Variants in ITIH6 observed in about 807,000 individuals in gnomAD.
The protein encoded by ITIH6 is inter-alpha-trypsin inhibitor heavy chain H6.
A neutral mutation model predicts 58.2 loss-of-function variants in ITIH6; 60 were observed. That is an observed-to-expected ratio of 1.03 (90% CI 0.84 to 1.28). The LOEUF (loss-of-function observed/expected upper bound fraction) is 1.28. ITIH6 is among the 50% of genes most tolerant of loss of function. The pLI is 0.00. For synonymous variants in ITIH6, 493 were observed against 417.4 expected (o/e 1.18, Z -2.21); for missense variants, 1,290 against 1,021.1 (o/e 1.26, Z -3.59).
At chrX:54,756,876 G>T in intron 8 of ITIH6, 89 bp downstream of exon 8, 1 of 534,601 alleles carries the variant, frequency 1.9e-6, no homozygotes, top group Non-Finnish European at 2.9e-6. Flanking sequence ...CATCACTGGA[G>T]TCTGCATAAG....
chrX:54,790,793 G>T, intron 4 of ITIH6, 44 bp downstream of exon 4: 1 of 1,203,717 alleles, frequency 8.3e-7, no homozygotes, highest in Non-Finnish European at 1.1e-6. Context: ...TTTTCATTCA[G>T]TGAAGGCCAG....
rs1928425547 is a variant in ITIH6, at chrX:54,753,772, G to A, written c.3239-8C>T. The A allele has an allele frequency of 8.5e-7, 1 of 1,172,263 alleles. No homozygotes were observed. Among genetic ancestry groups the A allele is most frequent in the Non-Finnish European group, 1.2e-6 (1 of 860,012 alleles). On this transcript the variant is annotated splice_region_variant and splice_polypyrimidine_tract_variant and intron_variant, in intron 10 of 12. Transcript: ENST00000218436. ...AGTGGGGGTCCCCGTCCACTGCAAG[G>A]CAGAAGATACAACTCTAAAGTTAAA...
intron 6 of ITIH6, among the ~76,000 whole-genome samples, chrX:54,760,401 C>G (rs1201440413): frequency 1.8e-5 from 2 of 110,792 alleles, no homozygotes; most frequent in Non-Finnish European, 3.8e-5. Context: ...GCTCCATGAC[C>G]CGGGATTCAA....
chrX:54,750,850 T>C (rs1280397889), intron 12 of ITIH6, among the ~76,000 whole-genome samples, 153 bp downstream of exon 12: 4 of 112,230 alleles, frequency 3.6e-5, no homozygotes, highest in Non-Finnish European at 5.6e-5. Flanking sequence ...TATCCATATC[T>C]GGGTCTGTCC....
Position 54,774,191 on chromosome X carries a change from C to T in ITIH6, c.793G>A (p.Asp265Asn), listed in dbSNP as rs1427356664. 9.1e-6 allele frequency: 8 copies of T among 876,356 alleles called. No homozygotes were observed. The highest frequency in any genetic ancestry group is 2.7e-5 in the South Asian group (1 of 37,226). 72.2% of individuals were successfully genotyped at this position (876,356 alleles called of 1,213,427 possible). Reference protein sequence around the residue: ...EDIIGDVQIYDDYFIHYFAPR... With the variant: ...EDIIGDVQIYNDYFIHYFAPR... ...GCAAAGTAGTGAATGAAATAGTCATCGTAAATCTGGACCAAAAAAAAAAAA... is the reference window on the plus strand; with the variant it reads ...GCAAAGTAGTGAATGAAATAGTCATTGTAAATCTGGACCAAAAAAAAAAAA... The change falls in exon 6 of 13, where the codon GAT (aspartate) becomes AAT (asparagine). Residue 265 changes from aspartate to asparagine, a missense_variant. Coordinates refer to ENST00000218436, the MANE Select transcript of ITIH6 (RefSeq NM_198510.3).
chrX:54,756,809 A>AAAGCAAGC (rs555076681), intron 8 of ITIH6, among the ~76,000 whole-genome samples, 156 bp downstream of exon 8: 2,556 of 108,001 alleles, frequency 0.024, 56 homozygotes, highest in African/African-American at 0.066. Context: ...CCAAAGTCCC[A>AAAGCAAGC]AAGCAAGCAA....
chrX:54,794,450 C>T (rs962758598), intron 2 of ITIH6, among the ~76,000 whole-genome samples: 13 of 111,504 alleles, frequency 1.2e-4, no homozygotes, highest in African/African-American at 3.6e-4. Context: ...TCCAAACCCA[C>T]GCCTGCTCTT....
Position 54,795,438 on chromosome X carries a change from G to A in ITIH6, c.257+1504C>T, listed in dbSNP as rs372036432. Among the ~76,000 whole-genome samples, 73 of 111,509 alleles carry A rather than the reference G, an allele frequency of 6.5e-4. No individual in the cohort carries two copies. In the South Asian group the frequency reaches 0.027, roughly 42 times the overall value. ...TATAGGATCAAGTTTTTCCTGATAG[G>A]TGTGCAAACACATAAGATGGTTTGG... On this transcript the variant is annotated intron_variant, in intron 2 of 12. Transcript: ENST00000218436.
In ITIH6 at chrX:54,798,012, G is replaced by T. The variant is rs1377629692; in HGVS notation, c.102+97C>A. 5.3e-6 allele frequency: 3 copies of T among 561,139 alleles called. No homozygotes were observed. The Admixed American group carries it at 1.0e-4, about 20-fold the overall frequency. 46.2% of individuals were successfully genotyped at this position (561,139 alleles called of 1,213,427 possible). On this transcript the variant is annotated intron_variant, in intron 1 of 12. Coordinates refer to ENST00000218436, the MANE Select transcript of ITIH6 (RefSeq NM_198510.3). ...TCTGGCTCTAGTTTCTCAGTCATAGGACTGAAGAAACACACTGAATAACCT... is the reference window on the plus strand; with the variant it reads ...TCTGGCTCTAGTTTCTCAGTCATAGTACTGAAGAAACACACTGAATAACCT...
chrX:54,749,930 G>A lies in ITIH6; in HGVS notation c.3907C>T (p.Leu1303Phe), dbSNP rs1395506265. ...WLVKRSHVEL[L>F]LGHPYLSYVL ...TAGGAGAGGTAGGGGTGGCCCAGAA[G>A]CAGCTCTACATGAGAGCGCTTCACC... The change falls in exon 13 of 13, where the codon CTT becomes TTT. Residue 1303 changes from leucine (L) to phenylalanine (F), a missense_variant. Physicochemically the swap from Leu to Phe is conservative, Grantham distance 22. Transcript: ENST00000218436. 6.6e-6 allele frequency: 8 copies of A among 1,209,427 alleles called. No individual in the cohort carries two copies. The East Asian group carries it at 2.1e-4, about 31-fold the overall frequency.
intron 8 of ITIH6, 106 bp downstream of exon 8, chrX:54,756,859 G>A (rs1928497080): frequency 1.1e-5 from 5 of 470,218 alleles, no homozygotes; most frequent in Non-Finnish European, 1.7e-5. Flanking sequence ...CAAGGAAGCA[G>A]CTGTCCCATC....
chrX:54,753,899 A>C, intron 10 of ITIH6, 31 bp downstream of exon 10: 1 of 1,197,831 alleles, frequency 8.3e-7, no homozygotes, highest in African/African-American at 1.7e-5. Context: ...CCTGTACTCA[A>C]ACAGGGGAGC....
chrX:54,786,452 T>C (rs1929244900), intron 5 of ITIH6, among the ~76,000 whole-genome samples: 1 of 111,969 alleles, frequency 8.9e-6, no homozygotes, highest in South Asian at 3.7e-4. Flanking sequence ...CATGTTCCTT[T>C]CGTTGCCCTG....
intron 2 of ITIH6, among the ~76,000 whole-genome samples, chrX:54,794,415 A>C (rs1168981736): frequency 1.8e-5 from 2 of 111,145 alleles, no homozygotes; most frequent in African/African-American, 6.6e-5. Context: ...TTTGACTGCC[A>C]GCTTCTCTGG....
At chrX:54,761,353 A>G (rs1301272752) in intron 6 of ITIH6, among the ~76,000 whole-genome samples, 9 of 111,362 alleles carry the variant, frequency 8.1e-5, no homozygotes, top group African/African-American at 2.3e-4. Context: ...TGTCAGATGA[A>G]TAGATTGCAA....
chrX:54,782,273 G>A (rs1383002689), intron 5 of ITIH6, among the ~76,000 whole-genome samples: 2 of 111,185 alleles, frequency 1.8e-5, no homozygotes, highest in East Asian at 5.7e-4. Flanking sequence ...AAAATTAGCA[G>A]GGCGTGGTGG....
intron 6 of ITIH6, among the ~76,000 whole-genome samples, chrX:54,764,840 C>A (rs1248158487): frequency 5.9e-5 from 6 of 100,888 alleles, no homozygotes; most frequent in East Asian, 6.5e-4. Flanking sequence ...GCCACACTGA[C>A]TTCCACAATG....
intron 6 of ITIH6, among the ~76,000 whole-genome samples, chrX:54,770,812 G>A (rs940011256): frequency 8.9e-6 from 1 of 111,887 alleles, no homozygotes; most frequent in Non-Finnish European, 1.9e-5. Flanking sequence ...CTTTCTTTAT[G>A]TAGATCCAAG....
chrX:54,752,836 A>T (rs1055868376), intron 11 of ITIH6, among the ~76,000 whole-genome samples: 6 of 112,454 alleles, frequency 5.3e-5, no homozygotes, highest in African/African-American at 1.9e-4. Context: ...AATCAAAGCA[A>T]TGGCTACCAA....
Sources: allele counts gnomAD v4.1 joint callset (sites outside exome capture counted in the v4.1 genomes callset), GRCh38; gene constraint gnomAD v4.1.1; transcripts MANE v1.5; gene names NCBI Gene and HGNC (gene_info 2026-07-23, HGNC 2026-07-21).